PRKAR2A: variants seen among roughly 807,000 people sequenced by gnomAD.
PRKAR2A encodes protein kinase cAMP-dependent type II regulatory subunit alpha, also known as cAMP-dependent protein kinase type II-alpha regulatory subunit.
In PRKAR2A, 29 loss-of-function variants were observed where a neutral mutation model predicts 51.9. That is an observed-to-expected ratio of 0.56 (90% CI 0.42 to 0.76). PRKAR2A has a LOEUF of 0.76. PRKAR2A is among the 30% of genes least tolerant of loss of function. The probability of loss-of-function intolerance (pLI) is 0.00; values close to 1 mark genes in which losing one functional copy is unlikely to be tolerated. For synonymous variants in PRKAR2A, 178 were observed against 186.2 expected (o/e 0.96, Z 0.36); for missense variants, 445 against 512.1 (o/e 0.87, Z 1.26).
At chr3:48,793,509 C>A (rs1355758950) in intron 3 of PRKAR2A, among the ~76,000 whole-genome samples, 1 of 152,150 alleles carries the variant, frequency 6.6e-6, no homozygotes, top group Non-Finnish European at 1.5e-5. Context: ...TGGGGTTCAA[C>A]TGATCTTCCC....
chr3:48,836,418 C>CAAAAAAAA (rs1559651194), intron 1 of PRKAR2A, among the ~76,000 whole-genome samples: 1 of 6,052 alleles, frequency 1.7e-4, no homozygotes, highest in African/African-American at 9.3e-4. Flanking sequence ...GAGACTCCGT[C>CAAAAAAAA]TAAAAAAAAA....
chr3:48,829,868 T>TATAC (rs2083156299), intron 1 of PRKAR2A, among the ~76,000 whole-genome samples: 1 of 76,840 alleles, frequency 1.3e-5, no homozygotes, highest in Non-Finnish European at 2.3e-5. Context: ...TATATATATA[T>TATAC]ATATTTTTTT....
At chr3:48,816,041 A>G (rs1394567255) in intron 1 of PRKAR2A, among the ~76,000 whole-genome samples, 3 of 149,310 alleles carry the variant, frequency 2.0e-5, no homozygotes, top group Non-Finnish European at 4.4e-5. Flanking sequence ...AAAAAAAAAG[A>G]AGCTAGAAGC....
rs375165370 is a variant in PRKAR2A at position 48,776,690 on chromosome 3, A to C, written c.543-3582T>G. ...ACCCTGTGTCTACTAAAAATACAGA[A>C]ATTAGCTGGGTGTGGTGGCATGTGC... On this transcript the variant is annotated intron_variant, in intron 5 of 10. Coordinates refer to ENST00000265563, the MANE Select transcript of PRKAR2A (RefSeq NM_004157.4). Among the ~76,000 whole-genome samples, 17 of 152,028 alleles carry C rather than the reference A, an allele frequency of 1.1e-4. No individual in the cohort carries two copies. The East Asian group carries it at 2.3e-3, about 21-fold the overall frequency.
chr3:48,825,959 T>C (rs886413704), intron 1 of PRKAR2A, among the ~76,000 whole-genome samples: 2 of 152,166 alleles, frequency 1.3e-5, no homozygotes, highest in Non-Finnish European at 2.9e-5. Context: ...AGGCCACCTG[T>C]ACTTCTAACC....
At chr3:48,797,417 G>A (rs975770386) in intron 2 of PRKAR2A, among the ~76,000 whole-genome samples, 2 of 151,910 alleles carry the variant, frequency 1.3e-5, no homozygotes, top group Non-Finnish European at 2.9e-5. Flanking sequence ...GATCCACCAC[G>A]CCCAGCCCCA....
At chr3:48,846,329 G>T (rs1003343669) in intron 1 of PRKAR2A, among the ~76,000 whole-genome samples, 7 of 151,244 alleles carry the variant, frequency 4.6e-5, no homozygotes, top group Non-Finnish European at 8.8e-5. Flanking sequence ...GATTCTCCCT[G>T]CCTCAGCCTC....
At chr3:48,780,462 G>T (rs1055364978) in intron 5 of PRKAR2A, among the ~76,000 whole-genome samples, 8 of 151,734 alleles carry the variant, frequency 5.3e-5, no homozygotes, top group Admixed American at 1.3e-4. Context: ...AATTAGCCGG[G>T]CATGGTGACG....
chr3:48,752,120 G>GA, intron 10 of PRKAR2A, 56 bp downstream of exon 10: 4 of 1,574,832 alleles, frequency 2.5e-6, no homozygotes, highest in Admixed American at 3.7e-5. Context: ...TTGCTGATGG[G>GA]AAAAAAATAT....
Position 48,779,116 on chromosome 3 carries a change from C to T in PRKAR2A, c.542+3870G>A, listed in dbSNP as rs13073962. Among the ~76,000 whole-genome samples, 253 of 151,894 alleles carry T rather than the reference C, an allele frequency of 1.7e-3. 1 individual carries two copies. The highest frequency in any genetic ancestry group is 3.5e-3 in the East Asian group (18 of 5,138). On this transcript the variant is annotated intron_variant, in intron 5 of 10. Coordinates refer to ENST00000265563, the MANE Select transcript of PRKAR2A (RefSeq NM_004157.4). ...TGCTGGGATTACAGGTGTGAGCCACCGTGCCCGGCCTAAAAAAATGTTTTG... is the reference window on the plus strand; with the variant it reads ...TGCTGGGATTACAGGTGTGAGCCACTGTGCCCGGCCTAAAAAAATGTTTTG...
rs541629715 is a variant in PRKAR2A at position 48,801,395 on chromosome 3, C to T, written c.298+6254G>A. Among the ~76,000 whole-genome samples, 25 of 151,664 alleles carry T rather than the reference C, an allele frequency of 1.6e-4. No homozygotes were observed. The South Asian group carries it at 4.4e-3, about 27-fold the overall frequency. On this transcript the variant is annotated intron_variant, in intron 2 of 10. Transcript: ENST00000265563. ...CTTGAACTCCTGACCTCAGGTGATC[C>T]GCACACCTCAGCCTCCCGAAGTGCC... is the stretch of plus-strand genomic sequence containing the variant.
At chr3:48,784,848 T>C (rs1419520452) in intron 4 of PRKAR2A, among the ~76,000 whole-genome samples, 1 of 152,166 alleles carries the variant, frequency 6.6e-6, no homozygotes, top group African/African-American at 2.4e-5. Context: ...ATAGGTTGTT[T>C]TGCTTAAAGT....
intron 1 of PRKAR2A, among the ~76,000 whole-genome samples, chr3:48,830,091 T>C (rs561311659): frequency 1.3e-5 from 2 of 150,942 alleles, no homozygotes; most frequent in African/African-American, 4.9e-5. Context: ...TAATCCCAAC[T>C]GCTCGAGAGG....
In PRKAR2A at chr3:48,751,509, CTGT is replaced by C; in HGVS notation, c.*73_*75del. 2.5e-6 allele frequency: 4 copies of C among 1,588,182 alleles called. No individual in the cohort carries two copies. Among genetic ancestry groups the C allele is most frequent in the Non-Finnish European group, 3.4e-6 (4 of 1,162,068 alleles). On this transcript the variant is annotated 3_prime_UTR_variant, in exon 11 of 11. Transcript: ENST00000265563. ...AACGGCAGGAACAGTTCTGTCATGTCTGTTTTCTGTATGTGTTCTGTGGCTGAC... is the reference window on the plus strand; with the variant it reads ...AACGGCAGGAACAGTTCTGTCATGTCTTTCTGTATGTGTTCTGTGGCTGAC...
intron 9 of PRKAR2A, among the ~76,000 whole-genome samples, chr3:48,755,379 T>A (rs2081744137): frequency 6.6e-6 from 1 of 152,000 alleles, no homozygotes; most frequent in Non-Finnish European, 1.5e-5. Flanking sequence ...TTTAACACAC[T>A]CTGTATTCTC....
chr3:48,797,640 G>A (rs1440203323), intron 2 of PRKAR2A, among the ~76,000 whole-genome samples: 1 of 152,106 alleles, frequency 6.6e-6, no homozygotes, highest in Admixed American at 6.5e-5. Flanking sequence ...TAATGCCATC[G>A]ATACCAAGTG....
chr3:48,759,490 G>C (rs916133027), intron 8 of PRKAR2A, among the ~76,000 whole-genome samples: 2 of 151,592 alleles, frequency 1.3e-5, no homozygotes, highest in African/African-American at 4.8e-5. Flanking sequence ...GGGTTCAAGT[G>C]ATTCTCCTGC....
At chr3:48,811,200 A>G (rs565647309) in intron 1 of PRKAR2A, among the ~76,000 whole-genome samples, 4 of 152,222 alleles carry the variant, frequency 2.6e-5, no homozygotes, top group East Asian at 3.9e-4. Flanking sequence ...AAAATTAAAA[A>G]AAATGGGGCA....
intron 1 of PRKAR2A, among the ~76,000 whole-genome samples, chr3:48,828,243 T>C (rs1428070044): frequency 6.6e-6 from 1 of 152,088 alleles, no homozygotes; most frequent in Admixed American, 6.6e-5. Context: ...GGCTAGAGTG[T>C]AGCAGCTACA....
Sources: allele counts gnomAD v4.1 joint callset (sites outside exome capture counted in the v4.1 genomes callset), GRCh38; gene constraint gnomAD v4.1.1; transcripts MANE v1.5; gene names NCBI Gene and HGNC (gene_info 2026-07-23, HGNC 2026-07-21).